MGAM: variants seen among roughly 807,000 people sequenced by gnomAD.
MGAM encodes maltase-glucoamylase.
MGAM carries 253 observed loss-of-function variants against 358.8 expected under a neutral mutation model. The observed-to-expected ratio is 0.71, with a 90% confidence interval of 0.64 to 0.78. The LOEUF (loss-of-function observed/expected upper bound fraction) is 0.78. Ranked by LOEUF, MGAM falls within the 30% of genes least tolerant of loss-of-function variation. The probability of loss-of-function intolerance (pLI) is 0.00; values close to 1 mark genes in which losing one functional copy is unlikely to be tolerated. For missense variants in MGAM, 3,080 were observed against 3,432.6 expected (o/e 0.90, Z 2.57); for synonymous variants, 1,105 against 1,227.1 (o/e 0.90, Z 2.08).
At chr7:142,078,610 G>T (rs1261560161) in intron 48 of MGAM, 140 bp downstream of exon 48, 3 of 1,113,696 alleles carry the variant, frequency 2.7e-6, no homozygotes, top group Admixed American at 5.9e-5. Flanking sequence ...GATGTGACAA[G>T]TAGGTGGGGA....
chr7:142,041,938 T>TAA lies in MGAM; in HGVS notation c.2498+1092_2498+1093insAA, dbSNP rs1491194988. Among the ~76,000 whole-genome samples the TAA allele has an allele frequency of 9.8e-3, 178 of 18,220 alleles. 3 individuals are homozygous for TAA. The highest frequency in any genetic ancestry group is 0.027 in the African/African-American group (169 of 6,160). 12.0% of individuals were successfully genotyped at this position (18,220 alleles called of 152,430 possible). On this transcript the variant is annotated intron_variant, in intron 21 of 70. Coordinates refer to ENST00000475668, the MANE Select transcript of MGAM (RefSeq NM_001365693.1). Reference sequence around the variant, plus strand: ...ATACGTATAATATATAATATATATATTATATATATACATATATATAATATA... The same window carrying TAA: ...ATACGTATAATATATAATATATATATAATATATATATACATATATATAATATA...
At chr7:142,044,187 C>T (rs62637549) in intron 21 of MGAM, among the ~76,000 whole-genome samples, 19,488 of 67,046 alleles carry the variant, frequency 0.29, 6,054 homozygotes, top group Non-Finnish European at 0.42. Flanking sequence ...ACACATACGA[C>T]ATATAATATA....
chr7:142,006,219 A>AT (rs1294438889), intron 2 of MGAM, among the ~76,000 whole-genome samples: 32 of 151,462 alleles, frequency 2.1e-4, no homozygotes, highest in East Asian at 1.8e-3. Flanking sequence ...CCCTTTATAG[A>AT]TTTTTTTTTA....
intron 18 of MGAM, among the ~76,000 whole-genome samples, chr7:142,037,422 A>C (rs1554466450): frequency 6.6e-6 from 1 of 152,202 alleles, no homozygotes. Flanking sequence ...TGAGGATATT[A>C]TAAAGGATTT....
At chr7:142,045,533 T>G (rs1447886758) in intron 21 of MGAM, among the ~76,000 whole-genome samples, 1 of 95,424 alleles carries the variant, frequency 1.0e-5, no homozygotes, top group Non-Finnish European at 1.8e-5. Context: ...TATGATATAA[T>G]ATATATTATA....
intron 1 of MGAM, among the ~76,000 whole-genome samples, chr7:142,002,904 C>CAAA (rs1804847963): frequency 6.6e-6 from 1 of 151,958 alleles, no homozygotes. Flanking sequence ...AATTAATGTA[C>CAAA]AAAAATTAGT....
chr7:142,060,839 C>T (rs1812110742), intron 34 of MGAM, among the ~76,000 whole-genome samples: 1 of 151,994 alleles, frequency 6.6e-6, no homozygotes, highest in Non-Finnish European at 1.5e-5. Context: ...TCCCCATGAA[C>T]AGGTGTCTCC....
At chr7:142,092,403 G>T in intron 58 of MGAM, 118 bp from the exon 59 acceptor site, 1 of 1,056,528 alleles carries the variant, frequency 9.5e-7, no homozygotes, top group Non-Finnish European at 1.4e-6. Context: ...AGCTCCCAGG[G>T]CTGGCATCTA....
rs2129030673 is a variant in MGAM, at chr7:142,050,744, T to A, written c.2685T>A (p.Asn895Lys). ...NISQSTYKDP[N>K]NLAFNEIKIL... ...CACAATCAACCTACAAGGACCCCAA[T>A]AATTTAGCATTTAATGAGATTAAAA... is the stretch of plus-strand genomic sequence containing the variant. Residue 895 changes from asparagine to lysine, a missense_variant, in exon 24 of 71, where the codon AAT becomes AAA. This residue lies in a region of MGAM where 1,816 missense variants were observed against 1,840.5 expected (regional missense o/e 0.99). Transcript: ENST00000475668. 1 of 1,613,758 alleles carries A rather than the reference T, an allele frequency of 6.2e-7. No homozygotes were observed. The highest frequency in any genetic ancestry group is 8.5e-7 in the Non-Finnish European group (1 of 1,179,732).
intron 5 of MGAM, 27 bp downstream of exon 5, chr7:142,021,110 G>GT: frequency 1.3e-6 from 2 of 1,517,048 alleles, no homozygotes; most frequent in Non-Finnish European, 1.8e-6. Flanking sequence ...TTTTTTTTAA[G>GT]TTTTTTTGAG....
intron 44 of MGAM, among the ~76,000 whole-genome samples, 199 bp downstream of exon 44, chr7:142,071,317 T>C (rs1389732327): frequency 4.1e-5 from 6 of 146,570 alleles, no homozygotes; most frequent in African/African-American, 1.5e-4. Context: ...CTCTTTTAAG[T>C]CTAAGGGAGT....
chr7:142,065,952 TG>T (rs375466275), intron 40 of MGAM, 121 bp downstream of exon 40: 14,185 of 677,672 alleles, frequency 0.021, 86 homozygotes, highest in Middle Eastern at 0.041. Context: ...TGTTTTTTTT[TG>T]TTTTGTTTTG....
In MGAM at chr7:142,040,098, C is replaced by T. The variant is rs1381907193; in HGVS notation, c.2317-17C>T. Reference sequence around the variant, plus strand: ...ATTTTATTTCCCTCAGGGGACACTACATTTTTTTAATTTCAGGGTGCAGAG... The same window carrying T: ...ATTTTATTTCCCTCAGGGGACACTATATTTTTTTAATTTCAGGGTGCAGAG... On this transcript the variant is annotated splice_polypyrimidine_tract_variant and intron_variant, in intron 19 of 70. Transcript: ENST00000475668. The T allele has an allele frequency of 1.9e-6, 3 of 1,598,102 alleles. No homozygotes were observed. The highest frequency in any genetic ancestry group is 2.2e-5 in the South Asian group (2 of 89,786).
intron 3 of MGAM, among the ~76,000 whole-genome samples, chr7:142,009,246 A>G (rs931626585): frequency 6.6e-6 from 1 of 152,182 alleles, no homozygotes; most frequent in Non-Finnish European, 1.5e-5. Context: ...AAGACAGTGC[A>G]GACATCTGGG....
In MGAM at chr7:142,082,832, G is replaced by T. The variant is rs1290570694; in HGVS notation, c.6268+261G>T. 1.4e-5 allele frequency among the ~76,000 whole-genome samples: 2 copies of T among 146,026 alleles called. 1 individual carries two copies. Among genetic ancestry groups the T allele is most frequent in the Non-Finnish European group, 3.1e-5 (2 of 64,482 alleles). On this transcript the variant is annotated intron_variant, in intron 52 of 70. Transcript: ENST00000475668. ...CACATGGGTCCCAAATGTCTTGGAG[G>T]TCAGCTCGTGAGAGCCAGTTATAAA... is the stretch of plus-strand genomic sequence containing the variant.
intron 70 of MGAM, 39 bp from the exon 71 acceptor site, chr7:142,105,775 A>T: frequency 6.6e-7 from 1 of 1,522,666 alleles, no homozygotes; most frequent in Non-Finnish European, 9.1e-7. Context: ...GGAAATTTCA[A>T]CACCGGATGC....
chr7:142,015,850 G>T (rs1176849270), intron 3 of MGAM, among the ~76,000 whole-genome samples: 1 of 151,786 alleles, frequency 6.6e-6, no homozygotes, highest in African/African-American at 2.4e-5. Context: ...TTCCAAGTTT[G>T]CTAAAAATTT....
In MGAM at chr7:142,021,139, G is replaced by A. The variant is rs559895145; in HGVS notation, c.558+56G>A. Reference sequence around the variant, plus strand: ...TTTTGAGAGACTTTTATTCCCTATCGGATGAGTGCAGTTACTACAAAATAG... The same window carrying A: ...TTTTGAGAGACTTTTATTCCCTATCAGATGAGTGCAGTTACTACAAAATAG... On this transcript the variant is annotated intron_variant, in intron 5 of 70. Coordinates refer to ENST00000475668, the MANE Select transcript of MGAM (RefSeq NM_001365693.1). The A allele has an allele frequency of 1.1e-4, 137 of 1,269,128 alleles. 1 individual carries two copies. In the East Asian group the frequency reaches 1.4e-3, roughly 13 times the overall value. 78.6% of individuals were successfully genotyped at this position (1,269,128 alleles called of 1,614,324 possible).
At position 142,064,517 on chromosome 7, in the gene MGAM, A is replaced by G. The variant is rs765792563; in HGVS notation, c.4479A>G (p.Thr1493=). 7 of 1,573,000 alleles carry G rather than the reference A, an allele frequency of 4.5e-6. No individual in the cohort carries two copies. The highest frequency in any genetic ancestry group is 1.2e-5 in the South Asian group (1 of 85,350). ...NLYGWSQTRP[T]YEAVQEVTGQ... Reference sequence around the variant, plus strand: ...ATGGGTGGTCCCAGACCAGACCCACATACGAGTGAGTCTCCGTCTCCCTTC... The same window carrying G: ...ATGGGTGGTCCCAGACCAGACCCACGTACGAGTGAGTCTCCGTCTCCCTTC... The change falls in exon 37 of 71, where the codon ACA becomes ACG. Residue 1493 remains threonine (T), a synonymous_variant. Coordinates refer to ENST00000475668, the MANE Select transcript of MGAM (RefSeq NM_001365693.1).
Sources: allele counts gnomAD v4.1 joint callset (sites outside exome capture counted in the v4.1 genomes callset), GRCh38; gene constraint gnomAD v4.1.1; regional missense constraint gnomAD v4.1.1; transcripts MANE v1.5; gene names NCBI Gene and HGNC (gene_info 2026-07-23, HGNC 2026-07-21).